IL12RB2: variants seen among roughly 807,000 people sequenced by gnomAD.
The protein encoded by IL12RB2 is interleukin 12 receptor subunit beta 2, also known as interleukin-12 receptor subunit beta-2.
IL12RB2 carries 82 observed loss-of-function variants against 89.4 expected under a neutral mutation model. That is an observed-to-expected ratio of 0.92 (90% CI 0.77 to 1.10). The LOEUF is 1.10. Ranked by LOEUF, IL12RB2 falls within the 50% of genes least tolerant of loss-of-function variation. IL12RB2 has a pLI of 0.00. For synonymous variants in IL12RB2, 368 were observed against 370.1 expected (o/e 0.99, Z 0.07); for missense variants, 963 against 1,031.9 (o/e 0.93, Z 0.92).
intron 13 of IL12RB2, among the ~76,000 whole-genome samples, chr1:67,377,217 T>C (rs1455291831): frequency 6.6e-6 from 1 of 152,212 alleles, no homozygotes; most frequent in Non-Finnish European, 1.5e-5. Flanking sequence ...GCAGATTCTT[T>C]GCTTTTGTAT....
chr1:67,346,479 T>A (rs1359312329), intron 9 of IL12RB2, among the ~76,000 whole-genome samples: 3 of 147,536 alleles, frequency 2.0e-5, no homozygotes, highest in Non-Finnish European at 4.5e-5. Context: ...CTCTGCCTCC[T>A]GGGTTCAAGC....
chr1:67,380,997 G>T (rs1002970482), intron 14 of IL12RB2, among the ~76,000 whole-genome samples: 2 of 152,148 alleles, frequency 1.3e-5, no homozygotes, highest in African/African-American at 2.4e-5. Context: ...ATACAAATTT[G>T]AGGATCACCC....
intron 10 of IL12RB2, 138 bp from the exon 11 acceptor site, chr1:67,367,687 T>G (rs1662858004): frequency 4.3e-6 from 3 of 695,764 alleles, no homozygotes; most frequent in Non-Finnish European, 7.9e-6. Flanking sequence ...CTTAAATCTG[T>G]GACTCCAAAG....
intron 13 of IL12RB2, among the ~76,000 whole-genome samples, chr1:67,375,073 C>T (rs1280400799): frequency 1.3e-5 from 2 of 152,058 alleles, no homozygotes; most frequent in African/African-American, 4.8e-5. Context: ...CTTCAACAAG[C>T]TCACAGTCTA....
At chr1:67,330,255 C>T (rs906225832) in intron 7 of IL12RB2, among the ~76,000 whole-genome samples, 2 of 143,704 alleles carry the variant, frequency 1.4e-5, no homozygotes, top group Non-Finnish European at 3.0e-5. Flanking sequence ...GAGAGTATAA[C>T]TAATTAAAGG....
intron 11 of IL12RB2, among the ~76,000 whole-genome samples, chr1:67,371,605 C>A (rs1322552254): frequency 6.6e-6 from 1 of 152,074 alleles, no homozygotes; most frequent in African/African-American, 2.4e-5. Context: ...GGAGAGGTAT[C>A]TATGAAAGGG....
intron 10 of IL12RB2, among the ~76,000 whole-genome samples, chr1:67,354,615 A>T (rs1389435655): frequency 6.6e-6 from 1 of 152,182 alleles, no homozygotes; most frequent in Non-Finnish European, 1.5e-5. Context: ...CTCTCCTAAG[A>T]TCACACCTGA....
chr1:67,360,292 G>T (rs1326631474), intron 10 of IL12RB2, among the ~76,000 whole-genome samples: 1 of 151,946 alleles, frequency 6.6e-6, no homozygotes, highest in East Asian at 1.9e-4. Context: ...CCAGCTGCTT[G>T]GGAAGCTGAG....
chr1:67,350,863 G>A lies in IL12RB2; in HGVS notation c.1039-7G>A. The A allele has an allele frequency of 6.2e-7, 1 of 1,613,884 alleles. No individual in the cohort carries two copies. Among genetic ancestry groups the A allele is most frequent in the Non-Finnish European group, 8.5e-7 (1 of 1,179,908 alleles). On this transcript the variant is annotated splice_polypyrimidine_tract_variant and splice_region_variant and intron_variant, in intron 9 of 16. Coordinates refer to ENST00000674203, the MANE Select transcript of IL12RB2 (RefSeq NM_001374259.2). ...AGTAAATAGTGAATAAATGTGTCTTGTTGCAGAATCTGAGTGTCTCAGAGG... is the reference window on the plus strand; with the variant it reads ...AGTAAATAGTGAATAAATGTGTCTTATTGCAGAATCTGAGTGTCTCAGAGG...
chr1:67,326,585 A>G, intron 4 of IL12RB2, 150 bp from the exon 5 acceptor site: 2 of 1,307,428 alleles, frequency 1.5e-6, no homozygotes, highest in Non-Finnish European at 2.1e-6. Context: ...TTAATGGCAA[A>G]CTGGGACTTG....
chr1:67,360,954 G>C (rs1358532507), intron 10 of IL12RB2, among the ~76,000 whole-genome samples: 7 of 152,066 alleles, frequency 4.6e-5, no homozygotes, highest in African/African-American at 1.7e-4. Context: ...CCTTCTATGT[G>C]GAGGGAAAGG....
chr1:67,308,161 A>G (rs1005879813), intron 1 of IL12RB2, among the ~76,000 whole-genome samples, 194 bp downstream of exon 1: 1 of 152,012 alleles, frequency 6.6e-6, no homozygotes, highest in Non-Finnish European at 1.5e-5. Flanking sequence ...GCTTCTCTTC[A>G]TCACAGTCCT....
At chr1:67,315,758 C>T (rs1207579528) in intron 2 of IL12RB2, among the ~76,000 whole-genome samples, 1 of 152,148 alleles carries the variant, frequency 6.6e-6, no homozygotes. Context: ...AAAGTCTGTA[C>T]AAAATTCTCT....
In IL12RB2 at chr1:67,350,892, G is replaced by C; in HGVS notation, c.1061G>C (p.Arg354Thr). The change falls in exon 10 of 17, where the codon AGA becomes ACA. Residue 354 changes from arginine (R) to threonine (T), a missense_variant. Arg to Thr is a moderately conservative substitution (Grantham distance 71). Transcript: ENST00000674203. ...FWKNLSVSEA[R>T]GKILHYQVTL... ...CAGAATCTGAGTGTCTCAGAGGCAAGAGGAAAAATTCTCCACTATCAGGTG... is the reference window on the plus strand; with the variant it reads ...CAGAATCTGAGTGTCTCAGAGGCAACAGGAAAAATTCTCCACTATCAGGTG... 6.2e-7 allele frequency: 1 copy of C among 1,614,026 alleles called. No individual in the cohort carries two copies. Among genetic ancestry groups the C allele is most frequent in the Non-Finnish European group, 8.5e-7 (1 of 1,179,966 alleles).
intron 6 of IL12RB2, 80 bp downstream of exon 6, chr1:67,328,464 A>C (rs577144088): frequency 6.2e-7 from 1 of 1,601,120 alleles, no homozygotes; most frequent in South Asian, 1.1e-5. Flanking sequence ...TGGTTGTTTC[A>C]AGAAAGACAG....
intron 9 of IL12RB2, among the ~76,000 whole-genome samples, chr1:67,348,399 C>T (rs190428623): frequency 2.0e-3 from 304 of 152,320 alleles, no homozygotes; most frequent in African/African-American, 7.0e-3. Flanking sequence ...CACGTCATAA[C>T]AGAGGGAACA....
At chr1:67,333,525 C>T (rs56755410) in intron 8 of IL12RB2, among the ~76,000 whole-genome samples, 1 of 151,758 alleles carries the variant, frequency 6.6e-6, no homozygotes, top group East Asian at 1.9e-4. Flanking sequence ...TTGTTTATAT[C>T]ATTTGAACAG....
chr1:67,386,208 C>A (rs1170735568), intron 14 of IL12RB2, among the ~76,000 whole-genome samples: 76 of 54,550 alleles, frequency 1.4e-3, no homozygotes, highest in East Asian at 4.9e-3. Context: ...GACTCCATCT[C>A]AAAAAAAAAA....
At chr1:67,386,200 C>T (rs1312869047) in intron 14 of IL12RB2, among the ~76,000 whole-genome samples, 1 of 111,468 alleles carries the variant, frequency 9.0e-6, no homozygotes, top group East Asian at 2.6e-4. Flanking sequence ...CACAGTGAGA[C>T]TCCATCTCAA....
Sources: gnomAD v4.1 joint callset for allele counts (sites outside exome capture counted in the v4.1 genomes callset) on GRCh38, gnomAD v4.1.1 for gene constraint, MANE v1.5 for transcripts, NCBI Gene and HGNC (gene_info 2026-07-23, HGNC 2026-07-21) for gene names.